The following TUT4 variants were observed in gnomAD, a reference collection of about 807,000 sequenced individuals.
TUT4 encodes the protein terminal uridylyltransferase 4.
In TUT4, 36 loss-of-function variants were observed where a neutral mutation model predicts 192.2. That is an observed-to-expected ratio of 0.19 (90% CI 0.14 to 0.25). The LOEUF (loss-of-function observed/expected upper bound fraction) is 0.25, where lower values mean the gene tolerates loss of function less well. Among genes scored for constraint, TUT4 ranks in the 10% least tolerant of loss-of-function variants. The pLI, the probability that TUT4 is intolerant of heterozygous loss-of-function variation, is 1.00. For missense variants in TUT4, 1,493 were observed against 1,957.2 expected (o/e 0.76, Z 4.47); for synonymous variants, 618 against 666.0 (o/e 0.93, Z 1.11).
intron 1 of TUT4, among the ~76,000 whole-genome samples, chr1:52,545,205 G>A (rs367927648): frequency 8.6e-4 from 130 of 151,880 alleles, no homozygotes; most frequent in African/African-American, 2.7e-3. Flanking sequence ...GTGAAATTCC[G>A]TCTCTACTAA....
At chr1:52,519,943 C>G (rs1279186456) in intron 2 of TUT4, among the ~76,000 whole-genome samples, 1 of 151,890 alleles carries the variant, frequency 6.6e-6, no homozygotes, top group Non-Finnish European at 1.5e-5. Flanking sequence ...TGCTTGAACC[C>G]GGGAGGCGGT....
At chr1:52,531,885 CTTTTTTTTTTTTTTTTTTTTT>C (rs1158088077) in intron 1 of TUT4, among the ~76,000 whole-genome samples, 1 of 80,806 alleles carries the variant, frequency 1.2e-5, no homozygotes, top group Non-Finnish European at 2.3e-5. Flanking sequence ...CTTTTCTCAT[CTTTTTTTTTTTTTTTTTTTTT>C]TTTTTTTTGA....
At position 52,549,025 on chromosome 1, in the gene TUT4, T is replaced by C. The variant is rs542859274; in HGVS notation, c.-94+3906A>G. 1.5e-3 allele frequency among the ~76,000 whole-genome samples: 221 copies of C among 152,328 alleles called. 1 individual carries two copies. Among genetic ancestry groups the C allele is most frequent in the Middle Eastern group, 6.8e-3 (2 of 294 alleles). ...AAGACTTTTCCAAAAAATTAAAAGT[T>C]CTTGGACAGTAAGATTTGGATCACA... is the stretch of plus-strand genomic sequence containing the variant. On this transcript the variant is annotated intron_variant, in intron 1 of 29. Coordinates refer to ENST00000257177, the MANE Select transcript of TUT4 (RefSeq NM_001009881.3).
intron 1 of TUT4, among the ~76,000 whole-genome samples, chr1:52,540,953 C>A (rs927238523): frequency 3.3e-5 from 5 of 152,300 alleles, no homozygotes; most frequent in Admixed American, 3.3e-4. Context: ...CGCCTGTAAT[C>A]TCAGCACTTT....
chr1:52,514,270 G>A (rs549600673), intron 3 of TUT4, among the ~76,000 whole-genome samples: 4 of 152,150 alleles, frequency 2.6e-5, no homozygotes, highest in African/African-American at 7.2e-5. Flanking sequence ...GTGAAACCCC[G>A]TCTCTACTAA....
chr1:52,552,042 ACTT>A (rs955549020), intron 1 of TUT4, among the ~76,000 whole-genome samples: 18 of 152,294 alleles, frequency 1.2e-4, no homozygotes, highest in African/African-American at 4.3e-4. Context: ...AGGAACTACT[ACTT>A]CTATCAAAAT....
At position 52,443,572 on chromosome 1, in the gene TUT4, A is replaced by G. The variant is rs556743475; in HGVS notation, c.3822+2215T>C. Among the ~76,000 whole-genome samples the G allele has an allele frequency of 2.4e-3, 371 of 151,492 alleles. 1 individual carries two copies. The highest frequency in any genetic ancestry group is 8.5e-3 in the African/African-American group (353 of 41,334). ...CCATTGCACTCCAGCCTGGGCAACA[A>G]GAGCAAAAACTCCGTCTCAAAAAAA... On this transcript the variant is annotated intron_variant, in intron 24 of 29. Transcript: ENST00000257177.
Position 52,465,913 on chromosome 1 carries a change from A to G in TUT4, c.2966-740T>C, listed in dbSNP as rs1663978272. ...GAGACAGGGTCTTGCTATATTGCCCAGGCTAGAGTGCACTGGCTATTCACA... is the reference window on the plus strand; with the variant it reads ...GAGACAGGGTCTTGCTATATTGCCCGGGCTAGAGTGCACTGGCTATTCACA... On this transcript the variant is annotated intron_variant, in intron 15 of 29. Transcript: ENST00000257177. Among the ~76,000 whole-genome samples the G allele has an allele frequency of 2.0e-5, 3 of 151,676 alleles. No homozygotes were observed. In the South Asian group the frequency reaches 6.3e-4, roughly 32 times the overall value.
chr1:52,452,008 G>A (rs1659570183), intron 20 of TUT4, among the ~76,000 whole-genome samples: 1 of 151,850 alleles, frequency 6.6e-6, no homozygotes, highest in Non-Finnish European at 1.5e-5. Context: ...AAACATTTAA[G>A]GAAGAAATTA....
intron 14 of TUT4, among the ~76,000 whole-genome samples, chr1:52,470,756 G>C (rs1665524702): frequency 6.6e-6 from 1 of 152,114 alleles, no homozygotes; most frequent in Admixed American, 6.5e-5. Flanking sequence ...GCAGAAATGG[G>C]GAAGAAGGGA....
intron 4 of TUT4, among the ~76,000 whole-genome samples, chr1:52,506,326 G>C (rs1317711131): frequency 6.6e-6 from 1 of 151,994 alleles, no homozygotes; most frequent in Non-Finnish European, 1.5e-5. Flanking sequence ...TAAGAATAAA[G>C]TTTTCCTTTA....
chr1:52,459,444 T>A (rs1339639409), intron 19 of TUT4, among the ~76,000 whole-genome samples: 7 of 150,580 alleles, frequency 4.6e-5, no homozygotes. Flanking sequence ...CAAAAAATAG[T>A]TGGGCATGGT....
Position 52,493,613 on chromosome 1 carries a change from T to C in TUT4, c.1316A>G (p.Asn439Ser), listed in dbSNP as rs375843304. ...AAAGAAAAAGAAAAGAAACTCACCA[T>C]TTTTCTTTAAAATCCCAAGTACTTT... ...LIKVLGILKK[N>S]VLYVDVESDF... The change falls in exon 7 of 30, where the codon AAT becomes AGT. Residue 439 changes from asparagine to serine, a missense_variant and splice_region_variant. Asn to Ser is a conservative substitution (Grantham distance 46). Coordinates refer to ENST00000257177, the MANE Select transcript of TUT4 (RefSeq NM_001009881.3). The C allele has an allele frequency of 6.0e-5, 89 of 1,484,520 alleles. No homozygotes were observed. Among genetic ancestry groups the C allele is most frequent in the Non-Finnish European group, 7.8e-5 (85 of 1,090,906 alleles). The allele number at this position is 1,484,520 out of a possible 1,614,324, so 92.0% of individuals were successfully genotyped here.
chr1:52,513,066 T>C (rs1402660416), intron 3 of TUT4, among the ~76,000 whole-genome samples: 3 of 149,060 alleles, frequency 2.0e-5, no homozygotes, highest in African/African-American at 7.5e-5. Flanking sequence ...GAGGTTGCAG[T>C]GAGCCGAGAC....
intron 9 of TUT4, among the ~76,000 whole-genome samples, chr1:52,487,354 C>T (rs571530382): frequency 5.3e-5 from 8 of 151,834 alleles, no homozygotes; most frequent in Non-Finnish European, 8.8e-5. Flanking sequence ...TGGAAGCCCG[C>T]GGCAGGAGGA....
chr1:52,520,227 G>A (rs957417504), intron 2 of TUT4, among the ~76,000 whole-genome samples: 1 of 152,168 alleles, frequency 6.6e-6, no homozygotes, highest in Non-Finnish European at 1.5e-5. Flanking sequence ...ATAGGGGAGT[G>A]TCACAGATCG....
chr1:52,456,174 C>T (rs758998797), intron 20 of TUT4, among the ~76,000 whole-genome samples: 1 of 151,796 alleles, frequency 6.6e-6, no homozygotes, highest in Non-Finnish European at 1.5e-5. Context: ...GAGGCCGGGG[C>T]GGGTGGATCA....
At chr1:52,429,936 A>G (rs1367734517) in intron 28 of TUT4, among the ~76,000 whole-genome samples, 1 of 151,424 alleles carries the variant, frequency 6.6e-6, no homozygotes, top group Non-Finnish European at 1.5e-5. Context: ...GTATGTGTGT[A>G]TATATGTGTG....
At chr1:52,434,906 C>G (rs1028319819) in intron 27 of TUT4, 1 of 152,130 alleles carries the variant, frequency 6.6e-6, no homozygotes, top group African/African-American at 2.4e-5. Flanking sequence ...TGTTTTTTTA[C>G]AGGGTGTATT....
Sources: gnomAD v4.1 joint callset for allele counts (sites outside exome capture counted in the v4.1 genomes callset) on GRCh38, gnomAD v4.1.1 for gene constraint, MANE v1.5 for transcripts, NCBI Gene and HGNC (gene_info 2026-07-23, HGNC 2026-07-21) for gene names.